The following COL14A1 variants were observed in gnomAD, a reference collection of about 807,000 sequenced individuals.
The protein encoded by COL14A1 is collagen type XIV alpha 1 chain.
A neutral mutation model predicts 230.3 loss-of-function variants in COL14A1; 136 were observed. The ratio of observed to expected loss-of-function variants is 0.59; its 90% CI spans 0.51 to 0.68. The LOEUF (loss-of-function observed/expected upper bound fraction) is 0.68. Ranked by LOEUF, COL14A1 falls within the 30% of genes least tolerant of loss-of-function variation. COL14A1 has a pLI of 0.00. For synonymous variants in COL14A1, 792 were observed against 784.1 expected (o/e 1.01, Z -0.17); for missense variants, 1,976 against 2,215.8 (o/e 0.89, Z 2.17).
chr8:120,366,320 A>T (rs1028070440), intron 45 of COL14A1, among the ~76,000 whole-genome samples: 1 of 152,250 alleles, frequency 6.6e-6, no homozygotes, highest in Admixed American at 6.5e-5. Context: ...CCAATTCAAC[A>T]TAATTTCTCA....
At chr8:120,226,081 T>G (rs1249266465) in intron 15 of COL14A1, among the ~76,000 whole-genome samples, 1 of 152,108 alleles carries the variant, frequency 6.6e-6, no homozygotes, top group Non-Finnish European at 1.5e-5. Context: ...GTGTTATACT[T>G]TCTGTTGTAC....
At chr8:120,296,947 A>T (rs560170343) in intron 34 of COL14A1, among the ~76,000 whole-genome samples, 119 of 152,104 alleles carry the variant, frequency 7.8e-4, no homozygotes, top group Non-Finnish European at 4.3e-4. Flanking sequence ...ATGATTTTTT[A>T]AAAAATGTTT....
intron 20 of COL14A1, among the ~76,000 whole-genome samples, chr8:120,247,370 C>G (rs998332771): frequency 6.6e-6 from 1 of 151,412 alleles, no homozygotes; most frequent in Non-Finnish European, 1.5e-5. Context: ...TTGCAGTGAG[C>G]GGAGATCGTG....
In COL14A1 at chr8:120,152,305, C is replaced by CA. The variant is rs753920221; in HGVS notation, c.88+4383dup. ...TGAAACCGCGTCTCTACTAAAAATACAAAAAAAATTAGCCGGGCGTGGTGG... is the reference window on the plus strand; with the variant it reads ...TGAAACCGCGTCTCTACTAAAAATACAAAAAAAAATTAGCCGGGCGTGGTGG... On this transcript the variant is annotated intron_variant, in intron 2 of 47. Coordinates refer to ENST00000297848, the MANE Select transcript of COL14A1 (RefSeq NM_021110.4). Among the ~76,000 whole-genome samples, 504 of 150,606 alleles carry CA rather than the reference C, an allele frequency of 3.3e-3. 4 individuals are homozygous for CA. Among genetic ancestry groups the CA allele is most frequent in the South Asian group, 6.7e-3 (32 of 4,756 alleles).
rs755145547 is a variant in COL14A1 at position 120,309,961 on chromosome 8, C to G, written c.4402-48C>G. 5 of 1,570,578 alleles carry G rather than the reference C, an allele frequency of 3.2e-6. No individual in the cohort carries two copies. The East Asian group carries it at 9.0e-5, about 28-fold the overall frequency. Reference sequence around the variant, plus strand: ...TATTAAGGAAAATGAATGAAATACACTGTTTTGAGATTTGTCTTTGAGCTA... The same window carrying G: ...TATTAAGGAAAATGAATGAAATACAGTGTTTTGAGATTTGTCTTTGAGCTA... On this transcript the variant is annotated intron_variant, in intron 36 of 47. Coordinates refer to ENST00000297848, the MANE Select transcript of COL14A1 (RefSeq NM_021110.4).
At chr8:120,161,502 G>A (rs1243719151) in intron 3 of COL14A1, among the ~76,000 whole-genome samples, 2 of 152,184 alleles carry the variant, frequency 1.3e-5, no homozygotes, top group African/African-American at 2.4e-5. Context: ...CAACTTTTAA[G>A]TAGCCAGTCA....
intron 45 of COL14A1, among the ~76,000 whole-genome samples, chr8:120,359,925 C>T (rs1466740958): frequency 6.6e-6 from 1 of 152,176 alleles, no homozygotes; most frequent in Non-Finnish European, 1.5e-5. Flanking sequence ...TACTTCTCCT[C>T]TTTCCTTCCT....
rs763203559 is a variant in COL14A1 at position 120,250,754 on chromosome 8, A to G, written c.2740A>G (p.Met914Val). Reference sequence around the variant, plus strand: ...AGGCTTCAGCGACGCCCTGACAGGCATGGTGAAAACATGTAAGAGCCATTT... The same window carrying G: ...AGGCTTCAGCGACGCCCTGACAGGCGTGGTGAAAACATGTAAGAGCCATTT... ...ASGFSDALTG[M>V]VKTLFLGVTN... Residue 914 changes from methionine (M) to valine (V), a missense_variant, in exon 22 of 48, where the codon ATG becomes GTG. By Grantham distance (21) the Met-to-Val change is conservative. Transcript: ENST00000297848. 2 of 1,614,142 alleles carry G rather than the reference A, an allele frequency of 1.2e-6. No homozygotes were observed. Among genetic ancestry groups the G allele is most frequent in the Admixed American group, 1.7e-5 (1 of 60,012 alleles).
At position 120,270,087 on chromosome 8, in the gene COL14A1, C is replaced by T. The variant is rs2129818786; in HGVS notation, c.3126C>T (p.Ser1042=). Residue 1042 remains serine (S), a synonymous_variant, in exon 26 of 48, where the codon AGC becomes AGT. Coordinates refer to ENST00000297848, the MANE Select transcript of COL14A1 (RefSeq NM_021110.4). ...DLVFMVDGSW[S]IGDENFNKII... is the part of the protein sequence containing the mutation. ...TATTTATGGTGGATGGATCCTGGAG[C>T]ATTGGAGATGAAAATTTCAATAAGA... The T allele has an allele frequency of 6.2e-7, 1 of 1,611,532 alleles. No individual in the cohort carries two copies. The highest frequency in any genetic ancestry group is 2.2e-5 in the East Asian group (1 of 44,810).
chr8:120,175,843 G>A (rs1195110690), intron 5 of COL14A1, among the ~76,000 whole-genome samples: 2 of 152,076 alleles, frequency 1.3e-5, no homozygotes, highest in Non-Finnish European at 2.9e-5. Flanking sequence ...ATGCTTTTCC[G>A]AGGACAACTG....
rs201356550 is a variant in COL14A1, at chr8:120,202,989, A to AATATATATATATATATATATATATATAT, written c.878-715_878-688dup. On this transcript the variant is annotated intron_variant, in intron 8 of 47. Transcript: ENST00000297848. ...ATGCTATACAATAATAATAATTTCA[A>AATATATATATATATATATATATATATAT]ATATATATATATATATATATATATA... Among the ~76,000 whole-genome samples the AATATATATATATATATATATATATATAT allele has an allele frequency of 3.6e-4, 38 of 106,538 alleles. 1 individual carries two copies. Among genetic ancestry groups the AATATATATATATATATATATATATATAT allele is most frequent in the Non-Finnish European group, 5.2e-4 (26 of 49,942 alleles). The allele number at this position is 106,538 out of a possible 152,430, so 69.9% of individuals were successfully genotyped here.
At chr8:120,152,794 G>T (rs1815333835) in intron 2 of COL14A1, among the ~76,000 whole-genome samples, 1 of 152,176 alleles carries the variant, frequency 6.6e-6, no homozygotes, top group South Asian at 2.1e-4. Flanking sequence ...ATATGTACCT[G>T]GTTCTAGCGA....
chr8:120,314,440 C>T (rs1184338196), intron 38 of COL14A1, among the ~76,000 whole-genome samples: 1 of 152,152 alleles, frequency 6.6e-6, no homozygotes, highest in South Asian at 2.1e-4. Context: ...TGATCCTTAT[C>T]TCAAATGGCA....
intron 33 of COL14A1, 45 bp from the exon 34 acceptor site, chr8:120,289,563 T>C (rs1273889028): frequency 6.4e-7 from 1 of 1,558,466 alleles, no homozygotes; most frequent in Non-Finnish European, 8.8e-7. Context: ...TTGGTTGATA[T>C]TTCCTTCTGT....
intron 37 of COL14A1, among the ~76,000 whole-genome samples, chr8:120,313,141 C>A (rs1821100509): frequency 6.6e-6 from 1 of 152,148 alleles, no homozygotes; most frequent in African/African-American, 2.4e-5. Context: ...GGGCAGATCA[C>A]CTGAGGTCAG....
intron 1 of COL14A1, among the ~76,000 whole-genome samples, chr8:120,138,756 T>G (rs1814794390): frequency 3.9e-5 from 6 of 152,170 alleles, no homozygotes; most frequent in Admixed American, 3.3e-4. Context: ...ATTTCAATAG[T>G]GAGAAGAAAT....
Position 120,199,526 on chromosome 8 carries a change from T to G in COL14A1, c.837T>G (p.Ser279=), listed in dbSNP as rs1463618267. 1.9e-6 allele frequency: 3 copies of G among 1,613,128 alleles called. No individual in the cohort carries two copies. The African/African-American group carries it at 4.0e-5, about 22-fold the overall frequency. ...GKSQDDIIPP[S]RNLRESGVEL... is the part of the protein sequence containing the mutation. ...CCCAAGATGACATTATTCCACCATC[T>G]AGAAATCTTCGTGAGTCTGGTGTAG... The change falls in exon 8 of 48, where the codon TCT becomes TCG. Residue 279 remains serine, a synonymous_variant. Transcript: ENST00000297848.
In COL14A1 at chr8:120,250,719, C is replaced by T. The variant is rs1351123976; in HGVS notation, c.2705C>T (p.Ser902Phe). Residue 902 changes from serine (S) to phenylalanine (F), a missense_variant, in exon 22 of 48, where the codon TCC (serine) becomes TTC (phenylalanine). Transcript: ENST00000297848. ...GMDYNVKIFA[S>F]QASGFSDALT... ...GACTACAATGTGAAGATATTTGCCT[C>T]CCAGGCCTCAGGCTTCAGCGACGCC... 2 of 1,614,214 alleles carry T rather than the reference C, an allele frequency of 1.2e-6. No individual in the cohort carries two copies. Among genetic ancestry groups the T allele is most frequent in the Non-Finnish European group, 1.7e-6 (2 of 1,180,040 alleles).
At chr8:120,166,875 A>AGTGTGTGTGTGTGTGT (rs4053270) in intron 4 of COL14A1, among the ~76,000 whole-genome samples, 157 of 117,054 alleles carry the variant, frequency 1.3e-3, no homozygotes, top group East Asian at 2.0e-3. Flanking sequence ...AAAGAATTTA[A>AGTGTGTGTGTGTGTGT]GTGTGTGTGT....
Sources: allele counts gnomAD v4.1 joint callset (sites outside exome capture counted in the v4.1 genomes callset), GRCh38; gene constraint gnomAD v4.1.1; transcripts MANE v1.5; gene names NCBI Gene and HGNC (gene_info 2026-07-23, HGNC 2026-07-21).